Variants in FSTL5 observed in about 807,000 individuals in gnomAD.
FSTL5 encodes follistatin-related protein 5.
Under a neutral mutation model 89.1 loss-of-function variants are expected in FSTL5, and 62 were observed. The ratio of observed to expected loss-of-function variants is 0.70; its 90% CI spans 0.57 to 0.86. The LOEUF (loss-of-function observed/expected upper bound fraction) is 0.86. Among genes scored for constraint, FSTL5 ranks in the 40% least tolerant of loss-of-function variants. The probability of loss-of-function intolerance (pLI) is 0.00; values close to 1 mark genes in which losing one functional copy is unlikely to be tolerated. For synonymous variants in FSTL5, 383 were observed against 346.2 expected (o/e 1.11, Z -1.18); for missense variants, 1,057 against 1,001.6 (o/e 1.06, Z -0.75).
chr4:162,023,778 A>G (rs1209690827), intron 3 of FSTL5, among the ~76,000 whole-genome samples: 1 of 152,160 alleles, frequency 6.6e-6, no homozygotes, highest in Admixed American at 6.6e-5. Context: ...TGGGACATCA[A>G]AGGATTTGCT....
At chr4:161,766,661 TA>T (rs986208849) in intron 5 of FSTL5, among the ~76,000 whole-genome samples, 59 of 152,312 alleles carry the variant, frequency 3.9e-4, no homozygotes, top group African/African-American at 1.4e-3. Context: ...ATACTGACTT[TA>T]GAAAAATCTG....
intron 5 of FSTL5, among the ~76,000 whole-genome samples, chr4:161,773,077 A>T (rs1741268783): frequency 1.3e-5 from 2 of 152,314 alleles, no homozygotes; most frequent in South Asian, 2.1e-4. Context: ...CAAAGCAAAC[A>T]AAAACATAAA....
At position 161,764,365 on chromosome 4, in the gene FSTL5, TCTC is replaced by T. The variant is rs201145637; in HGVS notation, c.607-4837_607-4835del. On this transcript the variant is annotated intron_variant, in intron 5 of 15. Coordinates refer to ENST00000306100, the MANE Select transcript of FSTL5 (RefSeq NM_020116.5). ...CCTTTGCCTCCTGGGTTCAAGCAAT[TCTC>T]CTGCCTCAGCCACCCGAGTAGCTGG... 4.9e-3 allele frequency among the ~76,000 whole-genome samples: 747 copies of T among 152,218 alleles called. 5 individuals are homozygous for T. The highest frequency in any genetic ancestry group is 0.017 in the African/African-American group (712 of 41,542).
At chr4:161,884,930 A>C (rs73863704) in intron 4 of FSTL5, among the ~76,000 whole-genome samples, 2 of 152,276 alleles carry the variant, frequency 1.3e-5, no homozygotes, top group African/African-American at 4.8e-5. Flanking sequence ...GGTGGTAGTC[A>C]TTGCTCTTCA....
chr4:161,738,795 C>T (rs1178198634), intron 6 of FSTL5, among the ~76,000 whole-genome samples: 1 of 152,118 alleles, frequency 6.6e-6, no homozygotes, highest in African/African-American at 2.4e-5. Context: ...TGCTTATTCA[C>T]ATATTTTTTA....
chr4:161,927,521 A>T (rs72691298), intron 3 of FSTL5, among the ~76,000 whole-genome samples: 13,772 of 151,694 alleles, frequency 0.091, 738 homozygotes, highest in East Asian at 0.15. Flanking sequence ...TTTAATGAAG[A>T]TATAGTAATT....
chr4:161,996,012 A>C (rs112066171), intron 3 of FSTL5, among the ~76,000 whole-genome samples: 2 of 152,296 alleles, frequency 1.3e-5, no homozygotes, highest in Non-Finnish European at 2.9e-5. Context: ...AGAACACTGG[A>C]GTTAATGCAG....
At chr4:161,924,093 C>A (rs1221329764) in intron 3 of FSTL5, among the ~76,000 whole-genome samples, 5 of 151,660 alleles carry the variant, frequency 3.3e-5, no homozygotes, top group Admixed American at 6.6e-5. Flanking sequence ...AGTCAGATAA[C>A]ACACTAAATG....
At chr4:161,995,767 G>GTTTT (rs371077939) in intron 3 of FSTL5, among the ~76,000 whole-genome samples, 1 of 137,118 alleles carries the variant, frequency 7.3e-6, no homozygotes. Flanking sequence ...CATGTAATGA[G>GTTTT]TTTTTTTTTT....
rs1731430685 is a variant in FSTL5 at position 162,111,302 on chromosome 4, G to A, written c.95C>T (p.Ser32Phe). ...PTKEGGYGLK[S>F]YQPLMRLRHK... Reference sequence around the variant, plus strand: ...TCGCAATCTCATTAGAGGCTGATAGGATTTAAGGCCATATCCTCCTTCTTT... The same window carrying A: ...TCGCAATCTCATTAGAGGCTGATAGAATTTAAGGCCATATCCTCCTTCTTT... Residue 32 changes from serine (S) to phenylalanine (F), a missense_variant, in exon 2 of 16, where the codon TCC (serine) becomes TTC (phenylalanine). Coordinates refer to ENST00000306100, the MANE Select transcript of FSTL5 (RefSeq NM_020116.5). 3.1e-6 allele frequency: 5 copies of A among 1,611,876 alleles called. No individual in the cohort carries two copies. The highest frequency in any genetic ancestry group is 4.2e-6 in the Non-Finnish European group (5 of 1,178,482).
chr4:161,619,782 G>A (rs182302524), intron 7 of FSTL5, among the ~76,000 whole-genome samples: 20 of 152,176 alleles, frequency 1.3e-4, no homozygotes, highest in East Asian at 3.9e-4. Flanking sequence ...TCAGTGTGGC[G>A]ATTCCTCAGG....
At chr4:161,753,243 A>T (rs900712028) in intron 6 of FSTL5, among the ~76,000 whole-genome samples, 6 of 152,178 alleles carry the variant, frequency 3.9e-5, no homozygotes, top group Admixed American at 3.9e-4. Flanking sequence ...TTTTTTAAAA[A>T]TATACCAACA....
intron 13 of FSTL5, among the ~76,000 whole-genome samples, chr4:161,469,645 T>A (rs1482056235): frequency 2.6e-5 from 4 of 151,842 alleles, no homozygotes; most frequent in South Asian, 4.2e-4. Context: ...TATCTATTTT[T>A]TTTTTTTTTT....
At chr4:161,580,996 A>T (rs1355374559) in intron 8 of FSTL5, among the ~76,000 whole-genome samples, 1 of 152,144 alleles carries the variant, frequency 6.6e-6, no homozygotes. Context: ...AAAGCCTGAA[A>T]TGATACATGG....
chr4:161,539,901 CCTT>C (rs1346059112), intron 9 of FSTL5, among the ~76,000 whole-genome samples: 1 of 64,464 alleles, frequency 1.6e-5, no homozygotes, highest in African/African-American at 6.1e-5. Flanking sequence ...CAAAATCATA[CCTT>C]TTTTTTTTTT....
chr4:161,775,129 G>GA (rs1037521839), intron 5 of FSTL5, among the ~76,000 whole-genome samples: 6 of 151,944 alleles, frequency 3.9e-5, no homozygotes, highest in East Asian at 3.9e-4. Context: ...AAATTAACCA[G>GA]AAAAAAATGA....
intron 9 of FSTL5, among the ~76,000 whole-genome samples, chr4:161,540,927 C>G (rs1023663962): frequency 7.9e-5 from 12 of 152,164 alleles, no homozygotes; most frequent in African/African-American, 2.2e-4. Context: ...ATATTATCAC[C>G]TAGTCTCCTG....
intron 7 of FSTL5, among the ~76,000 whole-genome samples, chr4:161,595,609 T>A (rs1377198716): frequency 6.6e-6 from 1 of 152,104 alleles, no homozygotes; most frequent in Non-Finnish European, 1.5e-5. Context: ...AACTACCTAT[T>A]GATTATAATC....
At chr4:161,895,338 CT>C (rs1240965397) in intron 4 of FSTL5, among the ~76,000 whole-genome samples, 1 of 152,050 alleles carries the variant, frequency 6.6e-6, no homozygotes, top group Non-Finnish European at 1.5e-5. Context: ...TGCAAATGTC[CT>C]TTTTTTAAAT....
Sources: allele counts gnomAD v4.1 joint callset (sites outside exome capture counted in the v4.1 genomes callset), GRCh38; gene constraint gnomAD v4.1.1; transcripts MANE v1.5; gene names NCBI Gene and HGNC (gene_info 2026-07-23, HGNC 2026-07-21).